CDKAL1: variants seen among roughly 807,000 people sequenced by gnomAD.
CDKAL1 encodes CDKAL1 threonylcarbamoyladenosine tRNA methylthiotransferase.
In CDKAL1, 32 loss-of-function variants were observed where a neutral mutation model predicts 68.2. The ratio of observed to expected loss-of-function variants is 0.47; its 90% CI spans 0.35 to 0.63. The LOEUF (loss-of-function observed/expected upper bound fraction) is 0.63, where lower values mean the gene tolerates loss of function less well. Ranked by LOEUF, CDKAL1 falls within the 30% of genes least tolerant of loss-of-function variation. The pLI is 0.00. For synonymous variants in CDKAL1, 234 were observed against 244.3 expected, an observed-to-expected ratio of 0.96 and a Z score of 0.39; for missense variants, 606 against 696.7, an observed-to-expected ratio of 0.87 and a Z score of 1.47.
chr6:20,707,185 A>G (rs1358163871), intron 5 of CDKAL1, among the ~76,000 whole-genome samples: 2 of 152,212 alleles, frequency 1.3e-5, no homozygotes, highest in East Asian at 1.9e-4. Context: ...AATTTGGAGC[A>G]GTGGATAGCC....
chr6:20,807,380 C>T (rs558691701), intron 8 of CDKAL1, among the ~76,000 whole-genome samples: 5 of 152,192 alleles, frequency 3.3e-5, no homozygotes, highest in South Asian at 4.1e-4. Flanking sequence ...CATGCCACCA[C>T]GCCCAGCTAA....
chr6:20,902,028 G>T (rs760308962), intron 9 of CDKAL1, among the ~76,000 whole-genome samples: 4 of 152,030 alleles, frequency 2.6e-5, no homozygotes, highest in East Asian at 1.9e-4. Context: ...TGCCTGCCTC[G>T]GCCAGAAACT....
At chr6:20,597,491 T>C (rs1765884268) in intron 4 of CDKAL1, among the ~76,000 whole-genome samples, 1 of 152,146 alleles carries the variant, frequency 6.6e-6, no homozygotes, top group Admixed American at 6.5e-5. Context: ...ATTGGCTCAC[T>C]GCAACCTCTG....
chr6:20,836,601 A>C (rs368911907), intron 8 of CDKAL1, among the ~76,000 whole-genome samples: 1 of 152,192 alleles, frequency 6.6e-6, no homozygotes, highest in East Asian at 1.9e-4. Context: ...AAGTTCTTAA[A>C]TTGACGTATT....
intron 9 of CDKAL1, among the ~76,000 whole-genome samples, chr6:20,879,946 C>T (rs993699630): frequency 1.3e-5 from 2 of 152,140 alleles, no homozygotes; most frequent in Admixed American, 6.5e-5. Context: ...TTTTCTTGCC[C>T]TTGTCTTCCT....
chr6:21,048,533 A>T (rs1330825688), intron 11 of CDKAL1, among the ~76,000 whole-genome samples: 1 of 152,080 alleles, frequency 6.6e-6, no homozygotes, highest in Non-Finnish European at 1.5e-5. Context: ...CAATTTGTAT[A>T]TATCCCTATT....
chr6:20,585,044 G>A (rs1765288819), intron 4 of CDKAL1, among the ~76,000 whole-genome samples: 1 of 149,646 alleles, frequency 6.7e-6, no homozygotes, highest in Admixed American at 6.7e-5. Flanking sequence ...CCTACCTTAA[G>A]CTAATCTTGT....
chr6:20,649,196 T>TGG (rs1263444117), intron 4 of CDKAL1, 97 bp from the exon 5 acceptor site: 3 of 769,582 alleles, frequency 3.9e-6, no homozygotes, highest in Non-Finnish European at 6.7e-6. Flanking sequence ...ACTCCACTGT[T>TGG]TTTCTCTCCC....
intron 5 of CDKAL1, among the ~76,000 whole-genome samples, chr6:20,661,398 T>C (rs925453312): frequency 6.6e-6 from 1 of 152,040 alleles, no homozygotes; most frequent in Non-Finnish European, 1.5e-5. Flanking sequence ...TTTTGTAAAG[T>C]AGGGGGTGAG....
At chr6:20,596,475 G>T (rs371681419) in intron 4 of CDKAL1, among the ~76,000 whole-genome samples, 1 of 152,132 alleles carries the variant, frequency 6.6e-6, no homozygotes, top group Non-Finnish European at 1.5e-5. Context: ...GGGGAAAACC[G>T]CCTACTCAAG....
chr6:20,944,311 T>A (rs1008298024), intron 9 of CDKAL1, among the ~76,000 whole-genome samples: 11 of 152,238 alleles, frequency 7.2e-5, no homozygotes, highest in Admixed American at 7.2e-4. Flanking sequence ...GGGTAATTTC[T>A]ATAACAGTTA....
chr6:20,978,363 T>G (rs1765950737), intron 10 of CDKAL1, among the ~76,000 whole-genome samples: 1 of 152,242 alleles, frequency 6.6e-6, no homozygotes, highest in Non-Finnish European at 1.5e-5. Context: ...GGCAATCAGC[T>G]GTTTCTGTTA....
intron 11 of CDKAL1, among the ~76,000 whole-genome samples, chr6:21,014,672 AT>A (rs375770849): frequency 2.0e-5 from 3 of 151,994 alleles, no homozygotes; most frequent in African/African-American, 7.2e-5. Flanking sequence ...AAACAACTGA[AT>A]TTTTTTTATC....
Position 21,022,661 on chromosome 6 carries a change from G to A in CDKAL1, c.1055+22289G>A, listed in dbSNP as rs187808226. On this transcript the variant is annotated intron_variant, in intron 11 of 15. Transcript: ENST00000274695. ...CACGGTCTCCCTCCCTGAGCTCACTGCAGACTCCACGGCCTGGCTGGGAGG... is the reference window on the plus strand; with the variant it reads ...CACGGTCTCCCTCCCTGAGCTCACTACAGACTCCACGGCCTGGCTGGGAGG... Among the ~76,000 whole-genome samples, 511 of 152,304 alleles carry A rather than the reference G, an allele frequency of 3.4e-3. 2 individuals are homozygous for A. The highest frequency in any genetic ancestry group is 5.4e-3 in the Non-Finnish European group (369 of 68,030).
rs1401500458 is a variant in CDKAL1, at chr6:20,941,167, G to A, written c.743-14252G>A. 2.1e-4 allele frequency among the ~76,000 whole-genome samples: 31 copies of A among 148,920 alleles called. No homozygotes were observed. In the Admixed American group the frequency reaches 2.1e-3, roughly 10 times the overall value. ...AGTGCTCATCAGCCACATATGGCTT[G>A]TGGTTTATTGGATAGTACAGGTTTT... On this transcript the variant is annotated intron_variant, in intron 9 of 15. Coordinates refer to ENST00000274695, the MANE Select transcript of CDKAL1 (RefSeq NM_017774.3).
At chr6:20,704,909 A>G (rs1183769295) in intron 5 of CDKAL1, among the ~76,000 whole-genome samples, 2 of 152,346 alleles carry the variant, frequency 1.3e-5, no homozygotes, top group Non-Finnish European at 1.5e-5. Flanking sequence ...AACAAAGAAT[A>G]TGAGGTTTGG....
intron 10 of CDKAL1, among the ~76,000 whole-genome samples, chr6:20,992,687 C>T (rs896411896): frequency 3.9e-5 from 6 of 151,918 alleles, no homozygotes; most frequent in East Asian, 1.9e-4. Context: ...CATTTGAGTG[C>T]AGGAGTTCAA....
At chr6:21,191,353 T>C (rs1383911377) in intron 13 of CDKAL1, among the ~76,000 whole-genome samples, 2 of 151,996 alleles carry the variant, frequency 1.3e-5, no homozygotes, top group Admixed American at 6.5e-5. Flanking sequence ...TTTTCACAAC[T>C]TCAGGCACTT....
intron 10 of CDKAL1, among the ~76,000 whole-genome samples, chr6:20,975,721 C>T (rs77838178): frequency 0.018 from 2,771 of 152,218 alleles, 84 homozygotes; most frequent in African/African-American, 0.063. Flanking sequence ...AAAATGAATG[C>T]TTCCCACGGA....
Sources: allele counts gnomAD v4.1 joint callset (sites outside exome capture counted in the v4.1 genomes callset), GRCh38; gene constraint gnomAD v4.1.1; transcripts MANE v1.5; gene names NCBI Gene and HGNC (gene_info 2026-07-23, HGNC 2026-07-21).